ZNF609: variants seen among roughly 807,000 people sequenced by gnomAD.
ZNF609 encodes zinc finger protein 609.
ZNF609 carries 11 observed loss-of-function variants against 109.5 expected under a neutral mutation model. That is an observed-to-expected ratio of 0.10 (90% CI 0.06 to 0.17). The LOEUF (loss-of-function observed/expected upper bound fraction) is 0.17. ZNF609 is among the 10% of genes least tolerant of loss of function. ZNF609 has a pLI of 1.00. For synonymous variants in ZNF609, 646 were observed against 662.0 expected (o/e 0.98, Z 0.37); for missense variants, 1,559 against 1,772.4 (o/e 0.88, Z 2.16).
In ZNF609 at chr15:64,579,094, C is replaced by T. The variant is rs141961758; in HGVS notation, c.748-43733C>T. ...ATAAAACAAAAAAGATTTGCATCTA[C>T]ATTTTGCTATTTTTTTATGTCTTTT... On this transcript the variant is annotated intron_variant, in intron 2 of 9. Coordinates refer to ENST00000326648, the MANE Select transcript of ZNF609 (RefSeq NM_015042.2). 5.1e-4 allele frequency among the ~76,000 whole-genome samples: 77 copies of T among 152,118 alleles called. No individual in the cohort carries two copies. In the East Asian group the frequency reaches 8.5e-3, roughly 17 times the overall value.
chr15:64,502,195 A>G (rs1362588070), intron 2 of ZNF609: 3 of 152,258 alleles, frequency 2.0e-5, no homozygotes, highest in Non-Finnish European at 4.4e-5. Context: ...TCATGTAACC[A>G]TAAGCAAGAA....
At chr15:64,480,144 C>T (rs1302870138) in intron 1 of ZNF609, among the ~76,000 whole-genome samples, 2 of 152,022 alleles carry the variant, frequency 1.3e-5, no homozygotes, top group South Asian at 2.1e-4. Context: ...GGGTCTGAGG[C>T]AGGAGAATCG....
intron 3 of ZNF609, among the ~76,000 whole-genome samples, chr15:64,658,632 A>G (rs1355677383): frequency 1.3e-5 from 2 of 152,010 alleles, no homozygotes; most frequent in Non-Finnish European, 1.5e-5. Flanking sequence ...AGGTAGATTA[A>G]TCTGACAATA....
At chr15:64,464,128 A>G (rs755465672) in intron 1 of ZNF609, among the ~76,000 whole-genome samples, 51 of 152,202 alleles carry the variant, frequency 3.4e-4, no homozygotes, top group Non-Finnish European at 6.3e-4. Context: ...TTGTGAGGAT[A>G]TGGAGGCATA....
Position 64,539,777 on chromosome 15 carries a change from G to A in ZNF609, c.747+39611G>A, listed in dbSNP as rs2957635. Among the ~76,000 whole-genome samples, 1,028 of 152,132 alleles carry A rather than the reference G, an allele frequency of 6.8e-3. 16 individuals carry two copies. The highest frequency in any genetic ancestry group is 0.023 in the African/African-American group (948 of 41,500). ...CAAAGTGCTGGGATTACAGGCCTGA[G>A]CCACTACGCCCAGCCTACCTGCCTA... On this transcript the variant is annotated intron_variant, in intron 2 of 9. Transcript: ENST00000326648.
intron 2 of ZNF609, among the ~76,000 whole-genome samples, chr15:64,570,708 T>C (rs912886835): frequency 2.0e-5 from 3 of 152,184 alleles, no homozygotes; most frequent in Admixed American, 6.6e-5. Context: ...ATTTTCATGT[T>C]ATGTTTTTTT....
At chr15:64,679,034 C>T (rs1416749664) in intron 6 of ZNF609, among the ~76,000 whole-genome samples, 3 of 152,186 alleles carry the variant, frequency 2.0e-5, no homozygotes, top group African/African-American at 4.8e-5. Context: ...CTAGATTCAG[C>T]TTGGAAAAGA....
At chr15:64,611,345 A>G (rs1035867792) in intron 2 of ZNF609, among the ~76,000 whole-genome samples, 1 of 152,202 alleles carries the variant, frequency 6.6e-6, no homozygotes, top group African/African-American at 2.4e-5. Context: ...GAGATTGTAG[A>G]GTGAGAAGAC....
intron 2 of ZNF609, among the ~76,000 whole-genome samples, chr15:64,512,232 A>G (rs530145249): frequency 6.6e-6 from 1 of 152,318 alleles, no homozygotes; most frequent in South Asian, 2.1e-4. Context: ...AAGGTAGAGC[A>G]TCCATATTTG....
intron 2 of ZNF609, among the ~76,000 whole-genome samples, chr15:64,575,347 C>A (rs1431338034): frequency 6.6e-6 from 1 of 151,970 alleles, no homozygotes; most frequent in African/African-American, 2.4e-5. Context: ...TCACTTGAAC[C>A]TGGGAGGCGG....
chr15:64,577,606 T>C (rs1386154660), intron 2 of ZNF609, among the ~76,000 whole-genome samples: 6 of 14,452 alleles, frequency 4.2e-4, no homozygotes, highest in African/African-American at 8.3e-4. Context: ...TATAAATATA[T>C]ACATATATAT....
intron 2 of ZNF609, chr15:64,528,919 G>A (rs1894012473): frequency 1.7e-6 from 2 of 1,164,888 alleles, no homozygotes; most frequent in African/African-American, 1.5e-5. Context: ...CATATTGGCA[G>A]GTTTTTCCAG....
At chr15:64,605,989 T>C (rs999982792) in intron 2 of ZNF609, among the ~76,000 whole-genome samples, 5 of 146,446 alleles carry the variant, frequency 3.4e-5, no homozygotes, top group African/African-American at 1.3e-4. Context: ...TCTCCTGACC[T>C]CGTGATCCAC....
At chr15:64,622,713 A>T in intron 2 of ZNF609, 114 bp from the exon 3 acceptor site, 1 of 873,080 alleles carries the variant, frequency 1.1e-6, no homozygotes, top group Non-Finnish European at 1.8e-6. Flanking sequence ...AGTCTTATTT[A>T]TAGCCGTCTG....
intron 2 of ZNF609, among the ~76,000 whole-genome samples, chr15:64,563,936 C>T (rs934341950): frequency 6.6e-5 from 10 of 151,930 alleles, no homozygotes; most frequent in Non-Finnish European, 1.5e-4. Flanking sequence ...CAGGCTGGAG[C>T]GCAGTGACAC....
At chr15:64,484,629 T>C (rs2140339722) in intron 1 of ZNF609, among the ~76,000 whole-genome samples, 1 of 139,884 alleles carries the variant, frequency 7.1e-6, no homozygotes, top group East Asian at 2.2e-4. Context: ...TGAGCCAAGA[T>C]TGCGCCATTG....
intron 2 of ZNF609, among the ~76,000 whole-genome samples, chr15:64,590,457 G>A (rs1444180480): frequency 6.6e-6 from 1 of 151,882 alleles, no homozygotes. Context: ...GAGTAGCTGG[G>A]ATTAAAGGTG....
At chr15:64,540,459 C>CT in intron 2 of ZNF609, among the ~76,000 whole-genome samples, 1 of 152,092 alleles carries the variant, frequency 6.6e-6, no homozygotes, top group East Asian at 2.0e-4. Context: ...GGCTGGAGTG[C>CT]AGTGGTGCAA....
At chr15:64,515,865 G>A (rs1893799439) in intron 2 of ZNF609, among the ~76,000 whole-genome samples, 1 of 151,838 alleles carries the variant, frequency 6.6e-6, no homozygotes, top group African/African-American at 2.4e-5. Context: ...TCGAACCTGG[G>A]AGGCGGGGGT....
Sources: gnomAD v4.1 joint callset for allele counts (sites outside exome capture counted in the v4.1 genomes callset) on GRCh38, gnomAD v4.1.1 for gene constraint, MANE v1.5 for transcripts, NCBI Gene and HGNC (gene_info 2026-07-23, HGNC 2026-07-21) for gene names.